MS4A4E: variants seen among roughly 807,000 people sequenced by gnomAD.
MS4A4E encodes the protein putative membrane-spanning 4-domains subfamily A member 4E.
MS4A4E carries 23 observed loss-of-function variants against 13.3 expected under a neutral mutation model. The ratio of observed to expected loss-of-function variants is 1.73; its 90% CI spans 1.25 to 2.45. The LOEUF is 2.45. Ranked by LOEUF, MS4A4E falls within the 30% of genes most tolerant of loss-of-function variation. The probability of loss-of-function intolerance (pLI) is 0.00; values close to 1 mark genes in which losing one functional copy is unlikely to be tolerated. For missense variants in MS4A4E, 144 were observed against 131.2 expected, an observed-to-expected ratio of 1.10 and a Z score of -0.48; for synonymous variants, 36 against 45.6, an observed-to-expected ratio of 0.79 and a Z score of 0.85.
intron 1 of MS4A4E, among the ~76,000 whole-genome samples, chr11:60,239,472 G>C (rs896307946): frequency 1.3e-5 from 2 of 152,136 alleles, no homozygotes; most frequent in Non-Finnish European, 2.9e-5. Flanking sequence ...GCTCCAACCT[G>C]TCCTGTCTTG....
chr11:60,204,597 C>A (rs1428789504), intron 8 of MS4A4E, among the ~76,000 whole-genome samples: 1 of 152,200 alleles, frequency 6.6e-6, no homozygotes, highest in Non-Finnish European at 1.5e-5. Flanking sequence ...AAGTTTGCTG[C>A]AATCAGCAGC....
intron 5 of MS4A4E, among the ~76,000 whole-genome samples, chr11:60,211,722 G>A (rs1279377907): frequency 2.0e-5 from 3 of 152,180 alleles, no homozygotes; most frequent in African/African-American, 7.2e-5. Flanking sequence ...AGACCAGGCT[G>A]GCCAACATGG....
Position 60,213,079 on chromosome 11 carries a change from C to T in MS4A4E, c.276G>A (p.Gly92=), listed in dbSNP as rs946353271. ...NITSSVLAIS[G]ILINAISLTF... ...TCAAGCTTATTGCATTGATTAAGAT[C>T]CCTGATATAGCCAAGACTGAACTGG... The change falls in exon 5 of 9, where the codon GGG becomes GGA. Residue 92 remains glycine, a synonymous_variant. Coordinates refer to ENST00000651255, the MANE Select transcript of MS4A4E (RefSeq NM_001393391.1). 1.5e-5 allele frequency: 8 copies of T among 523,438 alleles called. No individual in the cohort carries two copies. The highest frequency in any genetic ancestry group is 2.7e-5 in the Non-Finnish European group (8 of 299,806). 32.4% of individuals were successfully genotyped at this position (523,438 alleles called of 1,614,324 possible).
At chr11:60,224,641 T>G (rs1353712759) in intron 3 of MS4A4E, among the ~76,000 whole-genome samples, 1 of 152,168 alleles carries the variant, frequency 6.6e-6, no homozygotes, top group African/African-American at 2.4e-5. Context: ...CACCACCAAA[T>G]TAAACAATTC....
chr11:60,201,223 C>G lies in MS4A4E; in HGVS notation c.*320G>C, dbSNP rs1375449792. The G allele has an allele frequency of 5.7e-5, 8 of 140,180 alleles. No individual in the cohort carries two copies. Among genetic ancestry groups the G allele is most frequent in the African/African-American group, 2.3e-4 (8 of 35,550 alleles). 8.7% of individuals were successfully genotyped at this position (140,180 alleles called of 1,614,324 possible). ...GGCGCCCCTCACCTCCCGGACGGGG[C>G]GGCTGGCCGGGCGGGGGGCTGACCC... is the stretch of plus-strand genomic sequence containing the variant. On this transcript the variant is annotated 3_prime_UTR_variant, in exon 9 of 9. Coordinates refer to ENST00000651255, the MANE Select transcript of MS4A4E (RefSeq NM_001393391.1).
intron 1 of MS4A4E, among the ~76,000 whole-genome samples, chr11:60,235,911 A>C (rs2084477363): frequency 1.3e-5 from 2 of 152,198 alleles, no homozygotes; most frequent in Admixed American, 6.5e-5. Flanking sequence ...TAGGTCTTAC[A>C]TTTTGGTTTT....
intron 4 of MS4A4E, 163 bp from the exon 5 acceptor site, chr11:60,213,295 A>T (rs1214823113): frequency 2.6e-6 from 4 of 1,535,472 alleles, no homozygotes; most frequent in Non-Finnish European, 3.5e-6. Flanking sequence ...CACAAATATG[A>T]TCCCATTATT....
intron 1 of MS4A4E, among the ~76,000 whole-genome samples, chr11:60,237,501 T>C (rs976592564): frequency 1.3e-5 from 2 of 152,218 alleles, no homozygotes; most frequent in African/African-American, 4.8e-5. Context: ...TTTCTGTTTT[T>C]AGGTTTTTGA....
chr11:60,206,114 G>C (rs1300681415), intron 6 of MS4A4E, among the ~76,000 whole-genome samples: 3 of 152,022 alleles, frequency 2.0e-5, no homozygotes, highest in Admixed American at 6.6e-5. Flanking sequence ...AAAGGATGGG[G>C]GAGAAGGGCA....
chr11:60,213,931 AGT>A (rs758231683), intron 4 of MS4A4E, among the ~76,000 whole-genome samples: 3 of 151,176 alleles, frequency 2.0e-5, no homozygotes, highest in Admixed American at 6.6e-5. Flanking sequence ...TTTGAGATGG[AGT>A]CTTGCTCTGT....
intron 6 of MS4A4E, among the ~76,000 whole-genome samples, chr11:60,207,809 C>A (rs2084066799): frequency 6.6e-6 from 1 of 152,144 alleles, no homozygotes; most frequent in Non-Finnish European, 1.5e-5. Flanking sequence ...ACTTTCCTCT[C>A]TCTGTGTAAC....
At chr11:60,227,051 A>G (rs1417987253) in intron 3 of MS4A4E, among the ~76,000 whole-genome samples, 3 of 152,206 alleles carry the variant, frequency 2.0e-5, no homozygotes, top group Admixed American at 6.5e-5. Flanking sequence ...CCTAAAAATT[A>G]AATATTTAGG....
At chr11:60,207,306 G>T (rs766570434) in intron 6 of MS4A4E, among the ~76,000 whole-genome samples, 4 of 152,178 alleles carry the variant, frequency 2.6e-5, no homozygotes, top group Non-Finnish European at 2.9e-5. Flanking sequence ...CAAACCAGGG[G>T]ATTAGGGAAA....
intron 4 of MS4A4E, among the ~76,000 whole-genome samples, chr11:60,214,209 A>G (rs547302197): frequency 1.3e-5 from 2 of 152,220 alleles, no homozygotes; most frequent in Non-Finnish European, 2.9e-5. Context: ...CCCGGCCAGA[A>G]TCTACCTTTT....
chr11:60,237,836 T>C (rs1056292812), intron 1 of MS4A4E, among the ~76,000 whole-genome samples: 4 of 152,122 alleles, frequency 2.6e-5, no homozygotes, highest in African/African-American at 9.7e-5. Context: ...AGCTTTTTAT[T>C]TGGTAGGGGA....
intron 1 of MS4A4E, 43 bp from the exon 2 acceptor site, chr11:60,230,114 C>A: frequency 6.6e-7 from 1 of 1,525,906 alleles, no homozygotes; most frequent in South Asian, 1.3e-5. Context: ...CTGGAAATGA[C>A]AAAAGAAAGT....
At chr11:60,210,455 A>G (rs903455603) in intron 5 of MS4A4E, among the ~76,000 whole-genome samples, 1 of 152,162 alleles carries the variant, frequency 6.6e-6, no homozygotes, top group African/African-American at 2.4e-5. Context: ...TTAAAATTAC[A>G]TATATATCTT....
At chr11:60,210,315 C>T (rs1470155444) in intron 5 of MS4A4E, among the ~76,000 whole-genome samples, 2 of 152,038 alleles carry the variant, frequency 1.3e-5, no homozygotes, top group Non-Finnish European at 2.9e-5. Context: ...CCAGGAAGCC[C>T]TTATGGAGGT....
At chr11:60,203,426 T>C (rs1261276767) in intron 8 of MS4A4E, among the ~76,000 whole-genome samples, 4 of 152,032 alleles carry the variant, frequency 2.6e-5, no homozygotes, top group Non-Finnish European at 2.9e-5. Context: ...AGCTAGTAAG[T>C]TGTGGGGAAT....
Sources: gnomAD v4.1 joint callset for allele counts (sites outside exome capture counted in the v4.1 genomes callset) on GRCh38, gnomAD v4.1.1 for gene constraint, MANE v1.5 for transcripts, NCBI Gene and HGNC (gene_info 2026-07-23, HGNC 2026-07-21) for gene names.